Variants in USP28 observed in about 807,000 individuals in gnomAD.
USP28 encodes ubiquitin specific peptidase 28.
In USP28, 113 loss-of-function variants were observed where a neutral mutation model predicts 145.0. The observed-to-expected ratio is 0.78, with a 90% CI of 0.67 to 0.91. USP28 has a LOEUF of 0.91. Among genes scored for constraint, USP28 ranks in the 40% least tolerant of loss-of-function variants. The pLI, the probability that USP28 is intolerant of heterozygous loss-of-function variation, is 0.00. For missense variants in USP28, 1,201 were observed against 1,289.6 expected (o/e 0.93, Z 1.05); for synonymous variants, 447 against 450.9 (o/e 0.99, Z 0.11).
rs767440671 is a variant in USP28, at chr11:113,841,659, T to C, written c.374+4A>G. ...GGGCAAGAATTATAAGTTAAATCAA[T>C]AACCTGTTAAGATCTCTTCCATCAG... On this transcript the variant is annotated splice_donor_region_variant and intron_variant, in intron 4 of 24. Coordinates refer to ENST00000003302, the Ensembl canonical transcript of USP28. The C allele has an allele frequency of 1.3e-6, 2 of 1,596,106 alleles. No individual in the cohort carries two copies. The highest frequency in any genetic ancestry group is 2.2e-5 in the South Asian group (2 of 89,892).
intron 11 of USP28, among the ~76,000 whole-genome samples, chr11:113,824,898 T>TC (rs921254540): frequency 2.9e-5 from 4 of 138,518 alleles, no homozygotes; most frequent in African/African-American, 1.1e-4. Context: ...ACCATTGCAC[T>TC]CCAGCCTGGG....
chr11:113,875,529 G>A (rs1169331124), exon 1 of USP28: 38 of 1,147,396 alleles, frequency 3.3e-5, no homozygotes, highest in South Asian at 1.2e-4. Flanking sequence ...GCGGGTCACC[G>A]GTCTCCCGCC....
intron 22 of USP28, among the ~76,000 whole-genome samples, 165 bp downstream of exon 23, chr11:113,803,633 T>G (rs911069576): frequency 2.0e-5 from 3 of 152,212 alleles, no homozygotes; most frequent in Non-Finnish European, 4.4e-5. Flanking sequence ...TGAAAAACCA[T>G]GTGTGATGTT....
chr11:113,853,238 T>G (rs1385274342), intron 2 of USP28, among the ~76,000 whole-genome samples: 2 of 125,898 alleles, frequency 1.6e-5, no homozygotes, highest in Non-Finnish European at 3.2e-5. Flanking sequence ...GAGGCTGCAG[T>G]GAGCCGAGAT....
chr11:113,854,636 G>C (rs1029308793), intron 1 of USP28, among the ~76,000 whole-genome samples: 3 of 152,258 alleles, frequency 2.0e-5, no homozygotes, highest in Admixed American at 2.0e-4. Context: ...TGCTGACCTC[G>C]TGATCCACCC....
chr11:113,864,147 G>A (rs1485971287), intron 1 of USP28, among the ~76,000 whole-genome samples: 1 of 150,682 alleles, frequency 6.6e-6, no homozygotes, highest in African/African-American at 2.4e-5. Flanking sequence ...AGGCTGAGGC[G>A]GGAGAATCCC....
At chr11:113,851,726 G>A (rs182757651) in intron 3 of USP28, among the ~76,000 whole-genome samples, 2 of 151,772 alleles carry the variant, frequency 1.3e-5, no homozygotes, top group South Asian at 2.1e-4. Flanking sequence ...CAGAGGTTGC[G>A]GTGAGCGCAG....
At chr11:113,809,625 G>A (rs1741912463) in intron 16 of USP28, among the ~76,000 whole-genome samples, 1 of 152,218 alleles carries the variant, frequency 6.6e-6, no homozygotes, top group East Asian at 1.9e-4. Context: ...ATATTCACAT[G>A]TGGGATGCTC....
intron 3 of USP28, among the ~76,000 whole-genome samples, chr11:113,852,219 G>A (rs1013859912): frequency 2.6e-5 from 4 of 152,016 alleles, no homozygotes; most frequent in Non-Finnish European, 5.9e-5. Context: ...TAGTAGAGAC[G>A]GGGTTTCACC....
chr11:113,815,143 A>G, intron 14 of USP28, 31 bp downstream of exon 14: 2 of 1,597,800 alleles, frequency 1.3e-6, no homozygotes, highest in Non-Finnish European at 8.6e-7. Flanking sequence ...GAAAAAGCAA[A>G]GAGTAACTGA....
rs1436034218 is a variant in USP28 at position 113,843,716 on chromosome 11, T to C, written c.269-1948A>G. ...CTAAAAAAAAATTTTTTTAATAAAATAAAACACAAATATTACAAAACTGTA... is the reference window on the plus strand; with the variant it reads ...CTAAAAAAAAATTTTTTTAATAAAACAAAACACAAATATTACAAAACTGTA... On this transcript the variant is annotated intron_variant, in intron 3 of 24. Transcript: ENST00000003302. Among the ~76,000 whole-genome samples, 5 of 133,010 alleles carry C rather than the reference T, an allele frequency of 3.8e-5. No individual in the cohort carries two copies. The East Asian group carries it at 8.7e-4, about 23-fold the overall frequency. 87.3% of individuals were successfully genotyped at this position (133,010 alleles called of 152,430 possible).
chr11:113,810,511 A>G (rs908406991), intron 16 of USP28, among the ~76,000 whole-genome samples: 1 of 152,236 alleles, frequency 6.6e-6, no homozygotes, highest in Non-Finnish European at 1.5e-5. Context: ...CAAGGCTCCT[A>G]TATATTAACA....
intron 9 of USP28, 126 bp from the exon 10 acceptor site, chr11:113,829,471 C>G: frequency 8.5e-7 from 1 of 1,171,592 alleles, no homozygotes; most frequent in Non-Finnish European, 1.2e-6. Flanking sequence ...AATGCACTTA[C>G]GCCTTTATAG....
At chr11:113,838,095 C>T (rs373107747) in intron 5 of USP28, among the ~76,000 whole-genome samples, 3 of 152,218 alleles carry the variant, frequency 2.0e-5, no homozygotes, top group East Asian at 3.9e-4. Context: ...TTGTTAAGGC[C>T]GACTCCTCAG....
At chr11:113,801,815 C>T in intron 23 of USP28, 137 bp from the exon 25 acceptor site, 1 of 606,756 alleles carries the variant, frequency 1.6e-6, no homozygotes. Flanking sequence ...CTACTGATGC[C>T]TGGTTCCCAC....
intron 7 of USP28, among the ~76,000 whole-genome samples, chr11:113,832,707 TAGAG>T (rs558333921): frequency 5.3e-5 from 8 of 152,190 alleles, no homozygotes; most frequent in Non-Finnish European, 1.2e-4. Flanking sequence ...GACCTTCAAA[TAGAG>T]AAAGAAAAAA....
intron 3 of USP28, among the ~76,000 whole-genome samples, chr11:113,843,114 T>A (rs954669494): frequency 6.6e-6 from 1 of 151,970 alleles, no homozygotes; most frequent in Non-Finnish European, 1.5e-5. Context: ...TGCCTGTAAT[T>A]CCAGCTACTT....
At chr11:113,822,121 ATGT>A (rs1345444740) in intron 12 of USP28, among the ~76,000 whole-genome samples, 2 of 152,078 alleles carry the variant, frequency 1.3e-5, no homozygotes, top group African/African-American at 4.8e-5. Context: ...CATTTCTTTT[ATGT>A]TGTTGTGAAA....
At chr11:113,803,677 C>T in intron 22 of USP28, 121 bp downstream of exon 23, 2 of 737,926 alleles carry the variant, frequency 2.7e-6, no homozygotes, top group Non-Finnish European at 4.5e-6. Flanking sequence ...AGAGAAGAGG[C>T]ACACTAGTGT....
Sources: allele counts gnomAD v4.1 joint callset (sites outside exome capture counted in the v4.1 genomes callset), GRCh38; gene constraint gnomAD v4.1.1; transcripts MANE v1.5; gene names NCBI Gene and HGNC (gene_info 2026-07-23, HGNC 2026-07-21).